ATOH8: variants seen among roughly 807,000 people sequenced by gnomAD.
The protein encoded by ATOH8 is atonal bHLH transcription factor 8, also known as transcription factor ATOH8.
A neutral mutation model predicts 21.2 loss-of-function variants in ATOH8; 9 were observed. That is an observed-to-expected ratio of 0.42 (90% CI 0.26 to 0.74). The LOEUF is 0.74. Among genes scored for constraint, ATOH8 ranks in the 30% least tolerant of loss-of-function variants. The pLI, the probability that ATOH8 is intolerant of heterozygous loss-of-function variation, is 0.24. For synonymous variants in ATOH8, 253 were observed against 224.0 expected, an observed-to-expected ratio of 1.13 and a Z score of -1.16; for missense variants, 524 against 470.9, an observed-to-expected ratio of 1.11 and a Z score of -1.04.
chr2:85,784,274 A>C (rs921660096), intron 2 of ATOH8, among the ~76,000 whole-genome samples: 4 of 152,198 alleles, frequency 2.6e-5, no homozygotes, highest in Non-Finnish European at 5.9e-5. Context: ...GGCTGGCTGC[A>C]GTGGCTCACA....
rs1349632603 is a variant in ATOH8 at position 85,785,676 on chromosome 2, C to T, written c.961-1209C>T. On this transcript the variant is annotated intron_variant, in intron 2 of 2. Coordinates refer to ENST00000306279, the MANE Select transcript of ATOH8 (RefSeq NM_032827.7). This position sits in a 1 kb window ranked among gnomAD's most constrained non-coding sequence, Gnocchi z 4.1. Reference sequence around the variant, plus strand: ...CTCTGTGTGGTAGAATGAACACTGCCGATCTGGATTCAAATCCTGGCACTG... The same window carrying T: ...CTCTGTGTGGTAGAATGAACACTGCTGATCTGGATTCAAATCCTGGCACTG... 1.3e-5 allele frequency among the ~76,000 whole-genome samples: 2 copies of T among 152,182 alleles called. No homozygotes were observed. The highest frequency in any genetic ancestry group is 2.9e-5 in the Non-Finnish European group (2 of 68,036).
At chr2:85,783,371 A>G (rs1159452673) in intron 2 of ATOH8, among the ~76,000 whole-genome samples, 6 of 152,130 alleles carry the variant, frequency 3.9e-5, no homozygotes, top group Non-Finnish European at 7.3e-5. Flanking sequence ...GAAGTTCAAG[A>G]CCAGCCTGGC....
intron 2 of ATOH8, chr2:85,774,412 T>C (rs980974972): frequency 7.1e-6 from 7 of 985,576 alleles, no homozygotes; most frequent in Admixed American, 6.1e-5. Flanking sequence ...AAACAGGCCA[T>C]GCCCTTTCTA....
intron 2 of ATOH8, chr2:85,780,874 A>G (rs979417523): frequency 1.2e-4 from 121 of 985,282 alleles, no homozygotes; most frequent in Middle Eastern, 1.0e-3. Context: ...GCCAATTCCA[A>G]CTGCTCATAA....
intron 2 of ATOH8, among the ~76,000 whole-genome samples, chr2:85,765,584 G>T (rs1679993110): frequency 6.6e-6 from 1 of 152,224 alleles, no homozygotes. Flanking sequence ...GGCGCTCGGT[G>T]ACAAAGGAGG....
intron 1 of ATOH8, among the ~76,000 whole-genome samples, chr2:85,755,283 G>A (rs1341289711): frequency 6.6e-6 from 1 of 152,226 alleles, no homozygotes; most frequent in Non-Finnish European, 1.5e-5. Context: ...TGGGCGCGGT[G>A]CGGAGTGGAG....
rs1453561964 is a variant in ATOH8, at chr2:85,785,660, G to A, written c.961-1225G>A. Among the ~76,000 whole-genome samples, 1 of 152,204 alleles carries A rather than the reference G, an allele frequency of 6.6e-6. No individual in the cohort carries two copies. Among genetic ancestry groups the A allele is most frequent in the Non-Finnish European group, 1.5e-5 (1 of 68,038 alleles). On this transcript the variant is annotated intron_variant, in intron 2 of 2. Transcript: ENST00000306279. This position sits in a 1 kb window ranked among gnomAD's most constrained non-coding sequence, Gnocchi z 4.1. ...TCTCAGTGAGAGCAGCCTCTGTGTG[G>A]TAGAATGAACACTGCCGATCTGGAT...
At position 85,785,297 on chromosome 2, in the gene ATOH8, T is replaced by G. The variant is rs1680596568; in HGVS notation, c.961-1588T>G. On this transcript the variant is annotated intron_variant, in intron 2 of 2. Transcript: ENST00000306279. The surrounding 1 kb of genome is among the most constrained non-coding windows in gnomAD (Gnocchi z 4.1). ...CCCAGTGCCATCCCCACGGGTTTCCTTTCCGCTTCTTAATCCTCCTCCTCA... is the reference window on the plus strand; with the variant it reads ...CCCAGTGCCATCCCCACGGGTTTCCGTTCCGCTTCTTAATCCTCCTCCTCA... 6.6e-6 allele frequency among the ~76,000 whole-genome samples: 1 copy of G among 152,254 alleles called. No individual in the cohort carries two copies. The highest frequency in any genetic ancestry group is 6.5e-5 in the Admixed American group (1 of 15,292).
chr2:85,785,534 C>T lies in ATOH8; in HGVS notation c.961-1351C>T, dbSNP rs569042513. On this transcript the variant is annotated intron_variant, in intron 2 of 2. Coordinates refer to ENST00000306279, the MANE Select transcript of ATOH8 (RefSeq NM_032827.7). This position sits in a 1 kb window ranked among gnomAD's most constrained non-coding sequence, Gnocchi z 4.1. The stretch of plus-strand genomic sequence containing the variant: ...CCACTTCAGCCTTGCCCCAGACTTG[C>T]GTCTTGGCTGGCTGCCCCGGCCCAC... Among the ~76,000 whole-genome samples the T allele has an allele frequency of 1.3e-5, 2 of 152,350 alleles. No individual in the cohort carries two copies. Among genetic ancestry groups the T allele is most frequent in the Admixed American group, 6.5e-5 (1 of 15,312 alleles).
intron 2 of ATOH8, among the ~76,000 whole-genome samples, chr2:85,784,236 G>C (rs944320530): frequency 6.6e-6 from 1 of 152,156 alleles, no homozygotes; most frequent in African/African-American, 2.4e-5. Flanking sequence ...CAATGCAGTA[G>C]CAATTACACG....
At chr2:85,782,762 C>G (rs547400584) in intron 2 of ATOH8, among the ~76,000 whole-genome samples, 1 of 152,334 alleles carries the variant, frequency 6.6e-6, no homozygotes, top group South Asian at 2.1e-4. Context: ...GTGGCATAAT[C>G]TCAGCTCACT....
intron 2 of ATOH8, among the ~76,000 whole-genome samples, chr2:85,769,719 G>A (rs962714927): frequency 2.6e-5 from 4 of 152,156 alleles, no homozygotes; most frequent in Non-Finnish European, 5.9e-5. Flanking sequence ...CCTTCTGTCT[G>A]GATAGCTGAG....
chr2:85,775,919 T>C (rs1158968910), intron 2 of ATOH8, among the ~76,000 whole-genome samples: 2 of 152,224 alleles, frequency 1.3e-5, no homozygotes, highest in Non-Finnish European at 2.9e-5. Flanking sequence ...TTCTTTGAGC[T>C]TGCCCAGTCC....
chr2:85,761,218 G>C (rs746888605), intron 1 of ATOH8, among the ~76,000 whole-genome samples: 36 of 152,226 alleles, frequency 2.4e-4, no homozygotes, highest in Non-Finnish European at 4.4e-4. Flanking sequence ...TGTGCCTGGT[G>C]TCAGTCAGAT....
chr2:85,764,240 G>A lies in ATOH8; in HGVS notation c.960+58G>A, dbSNP rs962886225. ...GGGAGCATAGGGGAGGCAGGGACAG[G>A]AACTTGGGGGTGCCCTGCCTATGCC... is the stretch of plus-strand genomic sequence containing the variant. On this transcript the variant is annotated intron_variant, in intron 2 of 2. Transcript: ENST00000306279. 23 of 1,594,332 alleles carry A rather than the reference G, an allele frequency of 1.4e-5. No homozygotes were observed. The African/African-American group carries it at 2.8e-4, about 20-fold the overall frequency.
At chr2:85,763,883 A>G in intron 1 of ATOH8, 108 bp from the exon 2 acceptor site, 2 of 970,646 alleles carry the variant, frequency 2.1e-6, no homozygotes, top group Non-Finnish European at 3.1e-6. Context: ...AGAGCAGATC[A>G]TAAGATTAGG....
intron 1 of ATOH8, 47 bp downstream of exon 1, chr2:85,755,004 C>T (rs1452238886): frequency 1.3e-6 from 2 of 1,530,912 alleles, no homozygotes; most frequent in East Asian, 2.3e-5. Context: ...GGGACGACTG[C>T]GGGAATGGGT....
At chr2:85,764,756 A>C (rs1202446469) in intron 2 of ATOH8, among the ~76,000 whole-genome samples, 2 of 152,196 alleles carry the variant, frequency 1.3e-5, no homozygotes, top group Non-Finnish European at 2.9e-5. Flanking sequence ...CAGGCAGCTC[A>C]TAGGAGGGTC....
chr2:85,763,288 C>G (rs1226043148), intron 1 of ATOH8, among the ~76,000 whole-genome samples: 1 of 152,158 alleles, frequency 6.6e-6, no homozygotes, highest in East Asian at 1.9e-4. Context: ...CCATACAAAT[C>G]CCTGTGCAAT....
Sources: allele counts gnomAD v4.1 joint callset (sites outside exome capture counted in the v4.1 genomes callset), GRCh38; gene constraint gnomAD v4.1.1; non-coding constraint Gnocchi (gnomAD v3.1); transcripts MANE v1.5; gene names NCBI Gene and HGNC (gene_info 2026-07-23, HGNC 2026-07-21).